USP32: variants seen among roughly 807,000 people sequenced by gnomAD.
The protein encoded by USP32 is ubiquitin carboxyl-terminal hydrolase 32.
In USP32, 59 loss-of-function variants were observed where a neutral mutation model predicts 204.8. That is an observed-to-expected ratio of 0.29 (90% CI 0.23 to 0.36). The LOEUF (loss-of-function observed/expected upper bound fraction) is 0.36. Ranked by LOEUF, USP32 falls within the 10% of genes least tolerant of loss-of-function variation. USP32 has a pLI of 1.00. For missense variants in USP32, 1,160 were observed against 1,946.4 expected, an observed-to-expected ratio of 0.60 and a Z score of 7.60; for synonymous variants, 517 against 678.4, an observed-to-expected ratio of 0.76 and a Z score of 3.70.
chr17:60,209,952 T>A (rs2084917369), intron 21 of USP32, among the ~76,000 whole-genome samples: 1 of 151,954 alleles, frequency 6.6e-6, no homozygotes, highest in Admixed American at 6.6e-5. Context: ...ACATAACATA[T>A]GCATAAAATA....
intron 2 of USP32, among the ~76,000 whole-genome samples, chr17:60,320,530 C>T (rs2088086643): frequency 6.6e-6 from 1 of 152,168 alleles, no homozygotes; most frequent in Non-Finnish European, 1.5e-5. Context: ...CAAACGTGCA[C>T]ACCGTTGGGA....
intron 12 of USP32, among the ~76,000 whole-genome samples, chr17:60,233,108 C>T (rs2085618129): frequency 6.6e-6 from 1 of 152,198 alleles, no homozygotes; most frequent in African/African-American, 2.4e-5. Context: ...AAGCTCACTA[C>T]AATTACCTTA....
intron 5 of USP32, among the ~76,000 whole-genome samples, chr17:60,283,585 G>A (rs899523486): frequency 6.6e-6 from 1 of 151,674 alleles, no homozygotes; most frequent in African/African-American, 2.4e-5. Flanking sequence ...GCTTGACAAG[G>A]AAAAGTCAAA....
chr17:60,311,246 C>T (rs1364174972), intron 2 of USP32, among the ~76,000 whole-genome samples: 1 of 151,928 alleles, frequency 6.6e-6, no homozygotes, highest in Non-Finnish European at 1.5e-5. Flanking sequence ...ACATGTACCC[C>T]CCAAAAAATG....
rs777328949 is a variant in USP32 at position 60,230,097 on chromosome 17, AG to A, written c.1240-3867del. Among the ~76,000 whole-genome samples the A allele has an allele frequency of 2.6e-4, 39 of 152,346 alleles. 1 individual carries two copies. The highest frequency in any genetic ancestry group is 2.3e-3 in the East Asian group (12 of 5,188). On this transcript the variant is annotated intron_variant, in intron 12 of 33. Coordinates refer to ENST00000300896, the MANE Select transcript of USP32 (RefSeq NM_032582.4). ...CCAAAGTGCTGGGGTTACAGGCGTG[AG>A]TCACTGCGCCCGACCACAAATTACT...
At chr17:60,366,094 C>T (rs1473737620) in intron 1 of USP32, among the ~76,000 whole-genome samples, 1 of 152,174 alleles carries the variant, frequency 6.6e-6, no homozygotes, top group African/African-American at 2.4e-5. Context: ...TCACCTGACT[C>T]AGCCTCTCCA....
At chr17:60,198,581 A>G in intron 26 of USP32, 137 bp from the exon 27 acceptor site, 1 of 1,125,908 alleles carries the variant, frequency 8.9e-7, no homozygotes, top group Non-Finnish European at 1.2e-6. Flanking sequence ...CTCTGTATTT[A>G]TAAAACCATC....
At chr17:60,323,826 T>C (rs1363549013) in intron 2 of USP32, among the ~76,000 whole-genome samples, 2 of 152,240 alleles carry the variant, frequency 1.3e-5, no homozygotes, top group Non-Finnish European at 2.9e-5. Flanking sequence ...TGAAGTATTA[T>C]ATGCTTTACT....
chr17:60,392,486 C>A (rs1048366267), upstream of USP32: 19 of 251,478 alleles, frequency 7.6e-5, no homozygotes, highest in Admixed American at 6.6e-4. Context: ...GACGACCCCC[C>A]CCGCCCCCGC....
intron 15 of USP32, among the ~76,000 whole-genome samples, chr17:60,221,134 C>T (rs1237659295): frequency 3.9e-5 from 6 of 152,004 alleles, no homozygotes; most frequent in Non-Finnish European, 8.8e-5. Context: ...TGGCTCATGC[C>T]TGTAATACCA....
chr17:60,320,834 G>A (rs1337421248), intron 2 of USP32, among the ~76,000 whole-genome samples: 4 of 152,060 alleles, frequency 2.6e-5, no homozygotes, highest in Non-Finnish European at 5.9e-5. Context: ...AGAATTCCAG[G>A]CAAATGTCAC....
At chr17:60,252,026 A>G (rs1427708554) in intron 11 of USP32, among the ~76,000 whole-genome samples, 2 of 152,036 alleles carry the variant, frequency 1.3e-5, no homozygotes, top group Non-Finnish European at 2.9e-5. Context: ...TACAGCAATT[A>G]TCTATAAATT....
chr17:60,359,325 GA>G (rs1231029524), intron 1 of USP32, among the ~76,000 whole-genome samples: 1 of 152,046 alleles, frequency 6.6e-6, no homozygotes, highest in Non-Finnish European at 1.5e-5. Context: ...TAAGAACAAA[GA>G]AACTGCCTTA....
intron 24 of USP32, among the ~76,000 whole-genome samples, chr17:60,207,352 G>C (rs535762927): frequency 5.3e-5 from 8 of 152,072 alleles, no homozygotes; most frequent in Non-Finnish European, 8.8e-5. Flanking sequence ...ACAGGAAGAA[G>C]TGTGTTATAT....
At chr17:60,242,560 G>A (rs1327338334) in intron 11 of USP32, among the ~76,000 whole-genome samples, 2 of 152,104 alleles carry the variant, frequency 1.3e-5, no homozygotes, top group Non-Finnish European at 1.5e-5. Flanking sequence ...ACAGTCGTGT[G>A]CCACCATGCC....
intron 1 of USP32, among the ~76,000 whole-genome samples, chr17:60,348,579 A>G (rs1284699737): frequency 1.3e-5 from 2 of 152,070 alleles, no homozygotes; most frequent in African/African-American, 2.4e-5. Flanking sequence ...GTTAGAGACC[A>G]CCCTAGGCAA....
At position 60,183,181 on chromosome 17, in the gene USP32, G is replaced by A; in HGVS notation, c.4107C>T (p.Ile1369=). 1.2e-6 allele frequency: 2 copies of A among 1,611,126 alleles called. No homozygotes were observed. The highest frequency in any genetic ancestry group is 1.7e-6 in the Non-Finnish European group (2 of 1,178,238). Residue 1369 remains isoleucine (I), a synonymous_variant, in exon 31 of 34, where the codon ATC becomes ATT. Transcript: ENST00000300896. ...SKSPSSLSAN[I]ISSPKGSPSS... ...AGGCCTCACCTTTCGGGCTGCTGATGATGTTAGCGCTGAGTGAGGATGGGC... is the reference window on the plus strand; with the variant it reads ...AGGCCTCACCTTTCGGGCTGCTGATAATGTTAGCGCTGAGTGAGGATGGGC...
intron 1 of USP32, among the ~76,000 whole-genome samples, chr17:60,365,484 AAAATAAAT>A (rs568687114): frequency 1.3e-5 from 2 of 151,938 alleles, no homozygotes; most frequent in Admixed American, 6.6e-5. Flanking sequence ...TCCATCTCAA[AAAATAAAT>A]AAATAAATAA....
chr17:60,417,674 G>C (rs1337092194), intron 1 of USP32, among the ~76,000 whole-genome samples: 1 of 151,222 alleles, frequency 6.6e-6, no homozygotes, highest in African/African-American at 2.4e-5. Flanking sequence ...GGCTGGTCTC[G>C]AACTCCTGAC....
Sources: gnomAD v4.1 joint callset for allele counts (sites outside exome capture counted in the v4.1 genomes callset) on GRCh38, gnomAD v4.1.1 for gene constraint, MANE v1.5 for transcripts, NCBI Gene and HGNC (gene_info 2026-07-23, HGNC 2026-07-21) for gene names.